The following TTC28 variants were observed in gnomAD, a reference collection of about 807,000 sequenced individuals.
TTC28 encodes the protein tetratricopeptide repeat domain 28, also known as tetratricopeptide repeat protein 28.
A neutral mutation model predicts 198.0 loss-of-function variants in TTC28; 61 were observed. The observed-to-expected ratio is 0.31, with a 90% CI of 0.25 to 0.38. The LOEUF (loss-of-function observed/expected upper bound fraction) is 0.38. Ranked by LOEUF, TTC28 falls within the 10% of genes least tolerant of loss-of-function variation. The pLI, the probability that TTC28 is intolerant of heterozygous loss-of-function variation, is 1.00. For missense variants in TTC28, 2,678 were observed against 3,164.0 expected, an observed-to-expected ratio of 0.85 and a Z score of 3.69; for synonymous variants, 1,171 against 1,297.8, an observed-to-expected ratio of 0.90 and a Z score of 2.10.
intron 12 of TTC28, among the ~76,000 whole-genome samples, chr22:28,079,162 C>G (rs1218193685): frequency 6.6e-6 from 1 of 152,058 alleles, no homozygotes; most frequent in African/African-American, 2.4e-5. Flanking sequence ...GGCAAGGAAA[C>G]AGAATCCCAA....
chr22:28,318,809 ATTCT>A (rs2045396414), intron 2 of TTC28, among the ~76,000 whole-genome samples: 1 of 108,260 alleles, frequency 9.2e-6, no homozygotes, highest in South Asian at 3.0e-4. Flanking sequence ...TGGGAAGTGT[ATTCT>A]TTTTTTTTTT....
chr22:28,446,364 T>C (rs1568948756), intron 2 of TTC28, among the ~76,000 whole-genome samples: 1 of 152,172 alleles, frequency 6.6e-6, no homozygotes. Flanking sequence ...ACCAAATGGC[T>C]GGGAATGCTG....
At chr22:28,582,615 A>G (rs1569039444) in intron 2 of TTC28, among the ~76,000 whole-genome samples, 1 of 152,314 alleles carries the variant, frequency 6.6e-6, no homozygotes, top group Admixed American at 6.5e-5. Flanking sequence ...ACGAATCTCA[A>G]AAAAATCCAT....
At chr22:28,131,953 AT>A (rs1480899170) in intron 6 of TTC28, among the ~76,000 whole-genome samples, 1 of 152,220 alleles carries the variant, frequency 6.6e-6, no homozygotes, top group East Asian at 1.9e-4. Context: ...GACACCACTC[AT>A]TATTCAAAAG....
intron 2 of TTC28, among the ~76,000 whole-genome samples, chr22:28,615,910 A>G (rs1260962455): frequency 1.3e-5 from 2 of 152,186 alleles, no homozygotes; most frequent in Non-Finnish European, 1.5e-5. Context: ...AAACCTGCAC[A>G]TTCTGCACAT....
intron 2 of TTC28, among the ~76,000 whole-genome samples, chr22:28,379,236 A>G (rs756074574): frequency 5.3e-5 from 8 of 152,192 alleles, no homozygotes; most frequent in Non-Finnish European, 1.2e-4. Flanking sequence ...TGAAAATTAA[A>G]AATAGAAGTT....
intron 2 of TTC28, among the ~76,000 whole-genome samples, chr22:28,322,385 G>A (rs979453784): frequency 6.6e-6 from 1 of 151,950 alleles, no homozygotes; most frequent in Non-Finnish European, 1.5e-5. Flanking sequence ...TCCCTGACAC[G>A]TATTATCTAT....
chr22:28,153,413 A>C (rs530596828), intron 6 of TTC28, among the ~76,000 whole-genome samples: 3 of 150,812 alleles, frequency 2.0e-5, no homozygotes, highest in East Asian at 3.9e-4. Context: ...AAAAAAAAAA[A>C]AAAAACCTTC....
intron 2 of TTC28, among the ~76,000 whole-genome samples, chr22:28,406,897 G>A (rs894300467): frequency 6.6e-6 from 1 of 152,138 alleles, no homozygotes; most frequent in African/African-American, 2.4e-5. Flanking sequence ...ATTTTGGAAA[G>A]GCTATTAACA....
intron 6 of TTC28, among the ~76,000 whole-genome samples, chr22:28,134,098 A>G (rs547044461): frequency 4.4e-4 from 67 of 152,340 alleles, no homozygotes; most frequent in Non-Finnish European, 8.1e-4. Flanking sequence ...CCAGGCAAAC[A>G]GGGTCTGGAG....
intron 2 of TTC28, among the ~76,000 whole-genome samples, chr22:28,434,862 A>G (rs980461038): frequency 2.0e-5 from 3 of 152,150 alleles, no homozygotes; most frequent in Non-Finnish European, 4.4e-5. Context: ...TCCAAATGTC[A>G]GCTGCTCCGT....
intron 2 of TTC28, among the ~76,000 whole-genome samples, chr22:28,532,792 A>G (rs1239674329): frequency 2.0e-5 from 3 of 152,228 alleles, no homozygotes; most frequent in African/African-American, 7.2e-5. Flanking sequence ...TATAAACAGA[A>G]TCAAAGACAA....
intron 2 of TTC28, among the ~76,000 whole-genome samples, chr22:28,399,581 A>G (rs1446783333): frequency 6.6e-6 from 1 of 152,170 alleles, no homozygotes; most frequent in African/African-American, 2.4e-5. Context: ...CTGGGATTAC[A>G]GGTGTCAGCC....
intron 12 of TTC28, among the ~76,000 whole-genome samples, chr22:28,068,026 C>A (rs1940829252): frequency 6.6e-6 from 1 of 152,140 alleles, no homozygotes; most frequent in African/African-American, 2.4e-5. Flanking sequence ...GCAAATAATT[C>A]AGAACTTCAT....
chr22:28,476,830 T>C (rs994276951), intron 2 of TTC28, among the ~76,000 whole-genome samples: 2 of 152,200 alleles, frequency 1.3e-5, no homozygotes, highest in African/African-American at 4.8e-5. Context: ...ATATGAATGT[T>C]CATAACAACT....
chr22:28,645,666 G>T (rs564898976), intron 1 of TTC28, among the ~76,000 whole-genome samples: 14 of 151,854 alleles, frequency 9.2e-5, no homozygotes, highest in Middle Eastern at 3.4e-3. Context: ...TGATCAAGCG[G>T]GTTTCATCCT....
At chr22:28,347,828 G>A (rs555926893) in intron 2 of TTC28, among the ~76,000 whole-genome samples, 5 of 152,214 alleles carry the variant, frequency 3.3e-5, no homozygotes, top group Admixed American at 1.3e-4. Context: ...ACAGTGAGCC[G>A]AGATCGTGCC....
chr22:28,589,449 T>G (rs1464292121), intron 2 of TTC28, among the ~76,000 whole-genome samples: 1 of 152,210 alleles, frequency 6.6e-6, no homozygotes, highest in Admixed American at 6.5e-5. Flanking sequence ...TCCCCTCTGC[T>G]TTAAGCCTTA....
chr22:28,474,684 T>C (rs1034290492), intron 2 of TTC28, among the ~76,000 whole-genome samples: 9 of 152,162 alleles, frequency 5.9e-5, no homozygotes, highest in Non-Finnish European at 1.3e-4. Context: ...TCAAAAGGAT[T>C]CTATTAGGCA....
Sources: allele counts gnomAD v4.1 joint callset (sites outside exome capture counted in the v4.1 genomes callset), GRCh38; gene constraint gnomAD v4.1.1; transcripts MANE v1.5; gene names NCBI Gene and HGNC (gene_info 2026-07-23, HGNC 2026-07-21).